XRCC4: variants seen among roughly 807,000 people sequenced by gnomAD.
XRCC4 encodes X-ray repair cross complementing 4.
Under a neutral mutation model 39.1 loss-of-function variants are expected in XRCC4, and 28 were observed. That is an observed-to-expected ratio of 0.72 (90% CI 0.53 to 0.98). The LOEUF is 0.98. Ranked by LOEUF, XRCC4 falls within the 50% of genes least tolerant of loss-of-function variation. The pLI is 0.00. For missense variants in XRCC4, 350 were observed against 376.4 expected (o/e 0.93, Z 0.58); for synonymous variants, 123 against 126.4 (o/e 0.97, Z 0.18).
At chr5:83,172,901 G>A (rs1396505551) in intron 3 of XRCC4, among the ~76,000 whole-genome samples, 3 of 151,948 alleles carry the variant, frequency 2.0e-5, no homozygotes, top group Non-Finnish European at 4.4e-5. Flanking sequence ...AAAACATTCT[G>A]GACTCTTCCT....
chr5:83,336,648 A>G (rs901031410), intron 7 of XRCC4, among the ~76,000 whole-genome samples: 4 of 152,156 alleles, frequency 2.6e-5, no homozygotes, highest in African/African-American at 9.7e-5. Flanking sequence ...TAAACCTTTA[A>G]TAATAATAAT....
intron 5 of XRCC4, among the ~76,000 whole-genome samples, chr5:83,204,356 G>A (rs1254013725): frequency 6.6e-6 from 1 of 152,116 alleles, no homozygotes; most frequent in East Asian, 1.9e-4. Context: ...TCCTAGCACA[G>A]GTACTGGTCT....
At chr5:83,215,103 A>T (rs1184897386) in intron 6 of XRCC4, among the ~76,000 whole-genome samples, 2 of 152,090 alleles carry the variant, frequency 1.3e-5, no homozygotes, top group Middle Eastern at 3.2e-3. Context: ...TGGGAAGCTG[A>T]TGCGGGCAGA....
At chr5:83,153,313 A>G (rs1432626202) in intron 3 of XRCC4, among the ~76,000 whole-genome samples, 4 of 151,910 alleles carry the variant, frequency 2.6e-5, no homozygotes, top group African/African-American at 9.7e-5. Context: ...AGTTCAAGCA[A>G]TTCTCATGCC....
chr5:83,127,072 T>C (rs1120478), intron 3 of XRCC4, among the ~76,000 whole-genome samples: 74,087 of 151,540 alleles, frequency 0.49, 19,014 homozygotes, highest in African/African-American at 0.63. Context: ...CACCCATATC[T>C]GATTTAGATG....
rs28745305 is a variant in XRCC4, at chr5:83,112,792, C to T, written c.315+1589C>T. Among the ~76,000 whole-genome samples the T allele has an allele frequency of 2.9e-3, 441 of 152,224 alleles. 4 individuals are homozygous for T. The highest frequency in any genetic ancestry group is 0.01 in the African/African-American group (425 of 41,536). ...CATTAGATCTCATGAGACTTATTCA[C>T]TATCATGAGAACAACACAGGAAAGA... On this transcript the variant is annotated intron_variant, in intron 3 of 7. Coordinates refer to ENST00000396027, the MANE Select transcript of XRCC4 (RefSeq NM_003401.5).
At chr5:83,343,560 G>A (rs1005827346) in intron 7 of XRCC4, among the ~76,000 whole-genome samples, 3 of 152,140 alleles carry the variant, frequency 2.0e-5, no homozygotes, top group African/African-American at 7.2e-5. Context: ...GTGTTTGGGT[G>A]GCAAGTGGAA....
chr5:83,210,163 G>A, intron 6 of XRCC4, among the ~76,000 whole-genome samples: 1 of 152,162 alleles, frequency 6.6e-6, no homozygotes, highest in East Asian at 1.9e-4. Flanking sequence ...AACAGTGAAT[G>A]TCTACTCACA....
rs1004676291 is a variant in XRCC4 at position 83,231,942 on chromosome 5, C to A, written c.746-26588C>A. ...TTTAAATGCATCACAATTCCCTCTG[C>A]TATTGGACTTTATAATGTGTAATAC... On this transcript the variant is annotated intron_variant, in intron 6 of 7. Transcript: ENST00000396027. Among the ~76,000 whole-genome samples the A allele has an allele frequency of 2.6e-5, 4 of 152,014 alleles. No homozygotes were observed. The South Asian group carries it at 8.3e-4, about 32-fold the overall frequency.
intron 5 of XRCC4, among the ~76,000 whole-genome samples, chr5:83,204,034 A>G (rs1751321457): frequency 6.6e-6 from 1 of 152,212 alleles, no homozygotes; most frequent in Admixed American, 6.5e-5. Context: ...AGTTGGATGC[A>G]TATTTGTAAT....
the XRCC4 span, among the ~76,000 whole-genome samples, chr5:83,359,016 G>A: frequency 6.6e-6 from 1 of 151,710 alleles, no homozygotes; most frequent in African/African-American, 2.4e-5. Context: ...ATATGCAGGG[G>A]TGAAAAGGAA....
chr5:83,253,625 T>C (rs1753413637), intron 6 of XRCC4, among the ~76,000 whole-genome samples: 1 of 152,066 alleles, frequency 6.6e-6, no homozygotes, highest in East Asian at 1.9e-4. Context: ...TGCCAAGCTA[T>C]ATATCATATG....
chr5:83,369,678 C>T, the XRCC4 span, among the ~76,000 whole-genome samples: 1 of 152,148 alleles, frequency 6.6e-6, no homozygotes, highest in Non-Finnish European at 1.5e-5. Flanking sequence ...GATGCCATGT[C>T]TTTGGTATTG....
the XRCC4 span, among the ~76,000 whole-genome samples, chr5:83,365,473 A>C: frequency 5.3e-5 from 8 of 152,214 alleles, no homozygotes; most frequent in African/African-American, 1.9e-4. Flanking sequence ...CACTGCCCCA[A>C]GAATAGTGGA....
intron 6 of XRCC4, 69 bp from the exon 7 acceptor site, chr5:83,258,460 CA>C: frequency 2.6e-6 from 4 of 1,529,230 alleles, no homozygotes; most frequent in Non-Finnish European, 3.5e-6. Flanking sequence ...AATGCTAAAA[CA>C]GCAAGTTAAT....
At chr5:83,283,909 T>C (rs1754640057) in intron 7 of XRCC4, among the ~76,000 whole-genome samples, 1 of 152,088 alleles carries the variant, frequency 6.6e-6, no homozygotes, top group East Asian at 1.9e-4. Context: ...TTTCGCATTT[T>C]AATGTTGAGA....
intron 3 of XRCC4, among the ~76,000 whole-genome samples, chr5:83,126,524 C>G (rs1210980654): frequency 2.0e-5 from 3 of 152,042 alleles, no homozygotes; most frequent in African/African-American, 7.2e-5. Context: ...GCTTCAAGGC[C>G]CAGGCAGAGA....
chr5:83,142,532 AT>A (rs1748231705), intron 3 of XRCC4, among the ~76,000 whole-genome samples: 2 of 152,230 alleles, frequency 1.3e-5, no homozygotes, highest in African/African-American at 4.8e-5. Context: ...CATTCTTGAT[AT>A]TCCAGGTATA....
chr5:83,204,298 G>C (rs901542038), intron 5 of XRCC4, among the ~76,000 whole-genome samples: 4 of 152,110 alleles, frequency 2.6e-5, no homozygotes, highest in African/African-American at 9.7e-5. Flanking sequence ...CTTAGTAGAA[G>C]TACAGAATTA....
Sources: gnomAD v4.1 joint callset for allele counts (sites outside exome capture counted in the v4.1 genomes callset) on GRCh38, gnomAD v4.1.1 for gene constraint, MANE v1.5 for transcripts, NCBI Gene and HGNC (gene_info 2026-07-23, HGNC 2026-07-21) for gene names.